STX8: variants seen among roughly 807,000 people sequenced by gnomAD.
STX8 encodes the protein syntaxin-8.
Under a neutral mutation model 37.5 loss-of-function variants are expected in STX8, and 23 were observed. The ratio of observed to expected loss-of-function variants is 0.61; its 90% CI spans 0.44 to 0.87. The LOEUF is 0.87. Ranked by LOEUF, STX8 falls within the 40% of genes least tolerant of loss-of-function variation. The pLI is 0.00. For missense variants in STX8, 313 were observed against 284.7 expected (o/e 1.10, Z -0.71); for synonymous variants, 115 against 99.1 (o/e 1.16, Z -0.95).
chr17:9,422,820 C>T (rs919795051), intron 6 of STX8, among the ~76,000 whole-genome samples: 2 of 152,218 alleles, frequency 1.3e-5, no homozygotes, highest in African/African-American at 4.8e-5. Context: ...TACCATCTAC[C>T]TTCAGAAGTG....
intron 7 of STX8, among the ~76,000 whole-genome samples, chr17:9,253,090 C>T (rs939408232): frequency 3.9e-5 from 6 of 152,186 alleles, no homozygotes; most frequent in African/African-American, 1.4e-4. Context: ...TTTCTTTCAT[C>T]TAGGGATTTC....
intron 7 of STX8, among the ~76,000 whole-genome samples, chr17:9,369,781 T>TA (rs1485460240): frequency 1.4e-5 from 2 of 144,220 alleles, no homozygotes; most frequent in East Asian, 2.0e-4. Flanking sequence ...TAGTCCCAGG[T>TA]ACTCAGCAGG....
chr17:9,294,155 G>A (rs1204480539), intron 7 of STX8, among the ~76,000 whole-genome samples: 6 of 152,278 alleles, frequency 3.9e-5, no homozygotes, highest in Non-Finnish European at 7.3e-5. Flanking sequence ...GTCTTCTGAT[G>A]TCTATTGCAG....
At chr17:9,562,419 A>T (rs1338494343) in intron 2 of STX8, among the ~76,000 whole-genome samples, 5 of 152,026 alleles carry the variant, frequency 3.3e-5, no homozygotes, top group Non-Finnish European at 7.4e-5. Flanking sequence ...AAAAAAAAAA[A>T]AAAACTTTCA....
intron 6 of STX8, among the ~76,000 whole-genome samples, chr17:9,400,025 A>G (rs903611819): frequency 3.3e-5 from 5 of 152,048 alleles, no homozygotes; most frequent in African/African-American, 1.2e-4. Flanking sequence ...GTGTGCCTGT[A>G]TGTTATATAT....
intron 7 of STX8, among the ~76,000 whole-genome samples, chr17:9,270,091 CTG>C (rs1314445587): frequency 1.3e-5 from 2 of 152,238 alleles, no homozygotes; most frequent in East Asian, 3.8e-4. Flanking sequence ...TTTCCAATGT[CTG>C]TGTCTCCTCT....
intron 6 of STX8, among the ~76,000 whole-genome samples, chr17:9,398,126 T>C (rs982623790): frequency 2.0e-5 from 3 of 152,070 alleles, no homozygotes; most frequent in African/African-American, 4.8e-5. Context: ...CTTTCTTAGG[T>C]GTAGGCTGCA....
chr17:9,287,407 G>A (rs1200125751), intron 7 of STX8, among the ~76,000 whole-genome samples: 1 of 152,166 alleles, frequency 6.6e-6, no homozygotes, highest in African/African-American at 2.4e-5. Flanking sequence ...AACTGGACTG[G>A]GGAGCTTGAA....
At chr17:9,411,935 C>T (rs1369875715) in intron 6 of STX8, among the ~76,000 whole-genome samples, 1 of 152,014 alleles carries the variant, frequency 6.6e-6, no homozygotes, top group African/African-American at 2.4e-5. Context: ...GATGCATGAT[C>T]TAAAAATGTT....
chr17:9,340,215 G>A (rs1206307583), intron 7 of STX8, among the ~76,000 whole-genome samples: 3 of 152,246 alleles, frequency 2.0e-5, no homozygotes, highest in Non-Finnish European at 4.4e-5. Flanking sequence ...AAAGAGGGCA[G>A]CTGCTCCTTT....
At chr17:9,342,103 C>T (rs1386613008) in intron 7 of STX8, among the ~76,000 whole-genome samples, 2 of 152,082 alleles carry the variant, frequency 1.3e-5, no homozygotes, top group African/African-American at 2.4e-5. Flanking sequence ...CTCAGATCAT[C>T]GGGCATTAGA....
chr17:9,377,096 C>T (rs1046912762), intron 7 of STX8, among the ~76,000 whole-genome samples: 3 of 151,990 alleles, frequency 2.0e-5, no homozygotes, highest in Non-Finnish European at 4.4e-5. Context: ...CCTCTCTCAC[C>T]CCATTGTTCT....
intron 3 of STX8, chr17:9,547,246 C>CAAAAAAAAAAAAAAAAAA (rs11300957): frequency 1.1e-4 from 14 of 129,646 alleles, no homozygotes; most frequent in African/African-American, 4.0e-4. Flanking sequence ...GACTCTGTCT[C>CAAAAAAAAAAAAAAAAAA]AAAAAAAAAA....
At chr17:9,362,734 A>G (rs1424506455) in intron 7 of STX8, among the ~76,000 whole-genome samples, 1 of 151,632 alleles carries the variant, frequency 6.6e-6, no homozygotes, top group Admixed American at 6.6e-5. Context: ...AGGCAGGAGA[A>G]TGGCGTGAAC....
intron 5 of STX8, among the ~76,000 whole-genome samples, chr17:9,493,993 GTT>G (rs67562241): frequency 8.6e-5 from 13 of 150,610 alleles, no homozygotes; most frequent in African/African-American, 2.7e-4. Flanking sequence ...CATATGTTTT[GTT>G]TTTTTTTGTT....
chr17:9,256,033 C>G (rs1464649528), intron 7 of STX8, among the ~76,000 whole-genome samples: 1 of 152,184 alleles, frequency 6.6e-6, no homozygotes, highest in Non-Finnish European at 1.5e-5. Flanking sequence ...TGAGCCACAC[C>G]GTTCATGAAA....
chr17:9,386,405 G>A (rs749527171), intron 6 of STX8, among the ~76,000 whole-genome samples: 16 of 152,126 alleles, frequency 1.1e-4, no homozygotes, highest in Non-Finnish European at 2.1e-4. Flanking sequence ...ATCAGAAAGT[G>A]GTTGCCTCTG....
intron 6 of STX8, among the ~76,000 whole-genome samples, chr17:9,486,174 A>G (rs1673610428): frequency 6.6e-6 from 1 of 152,206 alleles, no homozygotes; most frequent in South Asian, 2.1e-4. Context: ...GGTACAGTAC[A>G]GTATGCACCA....
chr17:9,466,265 CCAGCT>C (rs1394439203), intron 6 of STX8, among the ~76,000 whole-genome samples: 1 of 152,178 alleles, frequency 6.6e-6, no homozygotes, highest in African/African-American at 2.4e-5. Flanking sequence ...GCCATCACGC[CCAGCT>C]ATTTTAGTAT....
Sources: gnomAD v4.1 joint callset for allele counts (sites outside exome capture counted in the v4.1 genomes callset) on GRCh38, gnomAD v4.1.1 for gene constraint, MANE v1.5 for transcripts, NCBI Gene and HGNC (gene_info 2026-07-23, HGNC 2026-07-21) for gene names.